Variants in CSMD1 observed in about 807,000 individuals in gnomAD.
CSMD1 encodes the protein CUB and Sushi multiple domains 1, also known as CUB and sushi domain-containing protein 1.
Under a neutral mutation model 417.5 loss-of-function variants are expected in CSMD1, and 213 were observed. That is an observed-to-expected ratio of 0.51 (90% CI 0.46 to 0.57). The LOEUF (loss-of-function observed/expected upper bound fraction) is 0.57. Ranked by LOEUF, CSMD1 falls within the 20% of genes least tolerant of loss-of-function variation. The pLI is 0.00. For missense variants in CSMD1, 6,923 were observed against 4,529.7 expected, an observed-to-expected ratio of 1.53 and a Z score of -15.17; for synonymous variants, 2,862 against 1,736.8, an observed-to-expected ratio of 1.65 and a Z score of -16.11.
chr8:3,751,715 T>C (rs1337557094), intron 6 of CSMD1, among the ~76,000 whole-genome samples: 1 of 152,096 alleles, frequency 6.6e-6, no homozygotes, highest in African/African-American at 2.4e-5. Flanking sequence ...GTTTCTTATA[T>C]CTACCATCTT....
intron 5 of CSMD1, among the ~76,000 whole-genome samples, chr8:3,773,860 A>T (rs1365356764): frequency 6.6e-6 from 1 of 152,068 alleles, no homozygotes; most frequent in Non-Finnish European, 1.5e-5. Flanking sequence ...ATTTATTTTG[A>T]TCATTACTAT....
chr8:4,153,604 T>G (rs1408339323), intron 3 of CSMD1, among the ~76,000 whole-genome samples: 1 of 152,198 alleles, frequency 6.6e-6, no homozygotes, highest in Admixed American at 6.5e-5. Flanking sequence ...CCCTGAGATG[T>G]CCCTGCTCTG....
intron 3 of CSMD1, among the ~76,000 whole-genome samples, chr8:4,334,070 T>G (rs1184425723): frequency 6.6e-5 from 10 of 151,940 alleles, no homozygotes. Flanking sequence ...ATTATGATGA[T>G]GATGATGATG....
Position 3,087,246 on chromosome 8 carries a change from C to T in CSMD1, c.7325G>A (p.Gly2442Asp), listed in dbSNP as rs200379033. The T allele has an allele frequency of 1.2e-4, 201 of 1,613,840 alleles. No homozygotes were observed. The highest frequency in any genetic ancestry group is 1.3e-4 in the Non-Finnish European group (158 of 1,179,872). The change falls in exon 49 of 70, where the codon GGT becomes GAT. Residue 2442 changes from glycine (G) to aspartate (D), a missense_variant. By Grantham distance (94) the Gly-to-Asp change is moderately conservative. Coordinates refer to ENST00000635120, the MANE Select transcript of CSMD1 (RefSeq NM_033225.6). ...CGCTCCTGCAGTCCTGTTTAGAATA[C>T]CCCCATTCTTCAGGGGGTGGGTCAA... ...CSLTHPLKNGGILNRTAGAVG... is the reference protein window; with the variant it reads ...CSLTHPLKNGDILNRTAGAVG...
intron 1 of CSMD1, among the ~76,000 whole-genome samples, chr8:4,799,333 T>C (rs891272299): frequency 2.0e-4 from 31 of 152,152 alleles, no homozygotes; most frequent in Admixed American, 1.0e-3. Flanking sequence ...ATCAAAGACA[T>C]GACTGGTAAT....
At chr8:3,777,143 C>T (rs903033797) in intron 5 of CSMD1, among the ~76,000 whole-genome samples, 1 of 151,654 alleles carries the variant, frequency 6.6e-6, no homozygotes, top group East Asian at 1.9e-4. Context: ...CACACACACA[C>T]ACACACACAC....
chr8:4,822,094 T>G (rs1315258092), intron 1 of CSMD1, among the ~76,000 whole-genome samples: 1 of 152,042 alleles, frequency 6.6e-6, no homozygotes, highest in Non-Finnish European at 1.5e-5. Flanking sequence ...GTAAAAAAAT[T>G]ACCAGAACAT....
At chr8:3,864,852 T>G (rs1470445735) in intron 5 of CSMD1, among the ~76,000 whole-genome samples, 1 of 152,214 alleles carries the variant, frequency 6.6e-6, no homozygotes, top group Non-Finnish European at 1.5e-5. Flanking sequence ...TTTCCTAGTT[T>G]TGGCCAGACT....
intron 1 of CSMD1, among the ~76,000 whole-genome samples, chr8:4,728,648 T>A (rs1302505080): frequency 6.6e-6 from 1 of 152,216 alleles, no homozygotes; most frequent in Non-Finnish European, 1.5e-5. Flanking sequence ...TGTTAGAGAA[T>A]CTTAACTAGT....
rs753079568 is a variant in CSMD1 at position 3,118,417 on chromosome 8, G to A, written c.6412C>T (p.Pro2138Ser). 13 of 1,613,022 alleles carry A rather than the reference G, an allele frequency of 8.1e-6. No individual in the cohort carries two copies. Among genetic ancestry groups the A allele is most frequent in the Non-Finnish European group, 1.1e-5 (13 of 1,179,526 alleles). The change falls in exon 42 of 70, where the codon CCT becomes TCT. Residue 2138 changes from proline to serine, a missense_variant. Coordinates refer to ENST00000635120, the MANE Select transcript of CSMD1 (RefSeq NM_033225.6). Reference sequence around the variant, plus strand: ...AACTTACCATCACATCTTGGAAAAGGGTAGTTCCAGTTTCTGTTGATCCCA... The same window carrying A: ...AACTTACCATCACATCTTGGAAAAGAGTAGTTCCAGTTTCTGTTGATCCCA... ...QHGINRNWNY[P>S]FPRCDAPCGY...
intron 3 of CSMD1, among the ~76,000 whole-genome samples, chr8:4,386,271 G>A (rs1416594161): frequency 3.3e-5 from 5 of 150,566 alleles, no homozygotes; most frequent in African/African-American, 4.9e-5. Context: ...TTCCATCCCC[G>A]GTTATGACTT....
At chr8:4,876,555 A>G (rs190330137) in intron 1 of CSMD1, among the ~76,000 whole-genome samples, 64 of 152,178 alleles carry the variant, frequency 4.2e-4, no homozygotes, top group Admixed American at 4.2e-3. Context: ...TGCTTTCTCA[A>G]TTTTCACCGT....
intron 3 of CSMD1, among the ~76,000 whole-genome samples, chr8:4,390,626 G>A (rs977252395): frequency 6.6e-6 from 1 of 151,928 alleles, no homozygotes. Flanking sequence ...CCATTCTCCT[G>A]CCTCAGCCTC....
intron 3 of CSMD1, among the ~76,000 whole-genome samples, chr8:4,044,887 G>A (rs917894647): frequency 2.0e-5 from 3 of 152,180 alleles, no homozygotes; most frequent in African/African-American, 7.2e-5. Flanking sequence ...CAGCCCTCAG[G>A]CCCAGACTGA....
chr8:4,423,767 G>A (rs1489086702), intron 2 of CSMD1, among the ~76,000 whole-genome samples: 5 of 152,052 alleles, frequency 3.3e-5, no homozygotes, highest in South Asian at 2.1e-4. Context: ...AACATTTTGC[G>A]AGAGAAGAAT....
chr8:4,942,042 T>C (rs5004553), intron 1 of CSMD1, among the ~76,000 whole-genome samples: 77,984 of 152,086 alleles, frequency 0.51, 21,265 homozygotes, highest in East Asian at 0.79. Context: ...GTAAATGGGA[T>C]TGTCTGGCTC....
intron 54 of CSMD1, among the ~76,000 whole-genome samples, chr8:2,985,508 G>A (rs576004168): frequency 7.9e-5 from 12 of 151,886 alleles, no homozygotes; most frequent in African/African-American, 2.9e-4. Flanking sequence ...CCTTACAAAG[G>A]TTCTATACAA....
chr8:4,201,366 A>T (rs1018192809), intron 3 of CSMD1, among the ~76,000 whole-genome samples: 1 of 151,944 alleles, frequency 6.6e-6, no homozygotes, highest in African/African-American at 2.4e-5. Context: ...GTGAAACCCC[A>T]TCTCTACTAA....
chr8:3,515,410 G>T (rs1382498400), intron 10 of CSMD1: 1 of 152,208 alleles, frequency 6.6e-6, no homozygotes, highest in Non-Finnish European at 1.5e-5. Flanking sequence ...TGTTGGTGAA[G>T]TTTAGACACT....
Sources: gnomAD v4.1 joint callset for allele counts (sites outside exome capture counted in the v4.1 genomes callset) on GRCh38, gnomAD v4.1.1 for gene constraint, MANE v1.5 for transcripts, NCBI Gene and HGNC (gene_info 2026-07-23, HGNC 2026-07-21) for gene names.